The following ERCC2 variants were observed in gnomAD, a reference collection of about 807,000 sequenced individuals.
ERCC2 encodes the protein general transcription and DNA repair factor IIH helicase subunit XPD.
A neutral mutation model predicts 99.4 loss-of-function variants in ERCC2; 90 were observed. The ratio of observed to expected loss-of-function variants is 0.91; its 90% confidence interval spans 0.76 to 1.08. The LOEUF is 1.08. ERCC2 is among the 50% of genes least tolerant of loss of function. The pLI is 0.00. For missense variants in ERCC2, 993 were observed against 1,038.1 expected, an observed-to-expected ratio of 0.96 and a Z score of 0.60; for synonymous variants, 497 against 432.4, an observed-to-expected ratio of 1.15 and a Z score of -1.85.
At chr19:45,358,003 C>G (rs1348703255) in intron 12 of ERCC2, 6 of 503,596 alleles carry the variant, frequency 1.2e-5, no homozygotes, top group Non-Finnish European at 2.2e-5. Context: ...AGCACCCACG[C>G]CAAAGCCAGG....
chr19:45,351,451 C>T lies in ERCC2; in HGVS notation c.*178G>A, dbSNP rs886420131. 8.2e-6 allele frequency: 13 copies of T among 1,583,376 alleles called. No individual in the cohort carries two copies. The highest frequency in any genetic ancestry group is 2.2e-5 in the East Asian group (1 of 44,648). On this transcript the variant is annotated 3_prime_UTR_variant, in exon 23 of 23. Transcript: ENST00000391945. The stretch of plus-strand genomic sequence containing the variant: ...AGGGGGTCTATCATCTCCTGGCCCC[C>T]CCTTGCCTCTGGGTACCTGGTGGAT...
In ERCC2 at chr19:45,351,470, G is replaced by T; in HGVS notation, c.*159C>A. ...GGCCCCCCCTTGCCTCTGGGTACCT[G>T]GTGGATAGCTGCCTTCTCCTGCGAT... is the stretch of plus-strand genomic sequence containing the variant. On this transcript the variant is annotated 3_prime_UTR_variant, in exon 23 of 23. Transcript: ENST00000391945. 1 of 1,585,208 alleles carries T rather than the reference G, an allele frequency of 6.3e-7. No individual in the cohort carries two copies. The highest frequency in any genetic ancestry group is 8.5e-7 in the Non-Finnish European group (1 of 1,169,914).
intron 5 of ERCC2, among the ~76,000 whole-genome samples, chr19:45,367,960 T>C (rs936195499): frequency 2.6e-5 from 4 of 151,638 alleles, no homozygotes; most frequent in African/African-American, 9.7e-5. Flanking sequence ...TGCAGTGGCA[T>C]GACCTCAGCT....
chr19:45,369,253 G>C, intron 2 of ERCC2, 106 bp from the exon 3 acceptor site: 1 of 847,120 alleles, frequency 1.2e-6, no homozygotes, highest in South Asian at 1.4e-5. Context: ...CAGAACAGCA[G>C]GATAACACAG....
chr19:45,356,885 TACAGAG>T (rs1972030683), intron 15 of ERCC2, among the ~76,000 whole-genome samples: 1 of 152,116 alleles, frequency 6.6e-6, no homozygotes, highest in African/African-American at 2.4e-5. Context: ...ATGCACGTGT[TACAGAG>T]ACGGAGACGG....
intron 2 of ERCC2, 116 bp from the exon 3 acceptor site, chr19:45,369,263 G>T (rs1972528493): frequency 2.5e-6 from 2 of 815,948 alleles, no homozygotes; most frequent in Non-Finnish European, 4.3e-6. Context: ...GGATAACACA[G>T]CAGCAGTTAA....
At chr19:45,355,561 C>T in intron 16 of ERCC2, 104 bp downstream of exon 16, 3 of 1,059,728 alleles carry the variant, frequency 2.8e-6, no homozygotes, top group South Asian at 2.5e-5. Flanking sequence ...CTGGGCTGAG[C>T]AACTAAGGCC....
chr19:45,360,634 C>T (rs1454871064), intron 12 of ERCC2, among the ~76,000 whole-genome samples: 3 of 152,188 alleles, frequency 2.0e-5, no homozygotes, highest in East Asian at 1.9e-4. Context: ...CACCTCGGCC[C>T]CCCAAACTGC....
chr19:45,370,298 G>A (rs1042405566), intron 1 of ERCC2, 66 bp from the exon 2 acceptor site: 35 of 1,586,158 alleles, frequency 2.2e-5, no homozygotes, highest in East Asian at 1.8e-4. Flanking sequence ...CACAGTGCCC[G>A]GTCGTCGAGC....
At position 45,351,452 on chromosome 19, in the gene ERCC2, C is replaced by A. The variant is rs1006255231; in HGVS notation, c.*177G>T. ...GGGGGTCTATCATCTCCTGGCCCCC[C>A]CTTGCCTCTGGGTACCTGGTGGATA... On this transcript the variant is annotated 3_prime_UTR_variant, in exon 23 of 23. Transcript: ENST00000391945. 3.2e-6 allele frequency: 5 copies of A among 1,583,240 alleles called. No individual in the cohort carries two copies. Among genetic ancestry groups the A allele is most frequent in the South Asian group, 1.1e-5 (1 of 89,150 alleles).
At position 45,369,097 on chromosome 19, in the gene ERCC2, C is replaced by G. The variant is rs202156896; in HGVS notation, c.156G>C (p.Leu52=). 1 of 1,614,158 alleles carries G rather than the reference C, an allele frequency of 6.2e-7. No homozygotes were observed. Among genetic ancestry groups the G allele is most frequent in the African/African-American group, 1.3e-5 (1 of 75,046 alleles). The change falls in exon 3 of 23, where the codon CTG becomes CTC. Residue 52 remains leucine, a synonymous_variant. Transcript: ENST00000391945. ...TCTGGTATGCCATGATCAGGGCCAA[C>G]AGGGATACTGTCTTCCCGGTGCCTG... ...MPSGTGKTVS[L]LALIMAYQRA... is the part of the protein sequence containing the mutation.
intron 5 of ERCC2, 60 bp from the exon 6 acceptor site, chr19:45,365,218 C>T: frequency 7.5e-7 from 1 of 1,327,120 alleles, no homozygotes; most frequent in South Asian, 1.2e-5. Context: ...CTCTTCAAAC[C>T]CTGGTCTCCA....
rs528533514 is a variant in ERCC2 at position 45,356,842 on chromosome 19, A to C, written c.1479+428T>G. 3.3e-5 allele frequency among the ~76,000 whole-genome samples: 5 copies of C among 152,230 alleles called. No individual in the cohort carries two copies. The South Asian group carries it at 1.0e-3, about 32-fold the overall frequency. ...ACAAAAAACCACATCCAGCCTGGGG[A>C]CTTCAGATAAGGGACTGAGGGCTCA... is the stretch of plus-strand genomic sequence containing the variant. On this transcript the variant is annotated intron_variant, in intron 15 of 22. Transcript: ENST00000391945.
In ERCC2 at chr19:45,368,728, G is replaced by C. The variant is rs748842373; in HGVS notation, c.262C>G (p.Arg88Gly). 1.2e-6 allele frequency: 2 copies of C among 1,612,868 alleles called. No individual in the cohort carries two copies. Among genetic ancestry groups the C allele is most frequent in the Non-Finnish European group, 1.7e-6 (2 of 1,179,440 alleles). ...PEIEKVIEEL[R>G]KLLNFYEKQE... ...TTCTCATAGAAGTTGAGCAACTTTCGAAGCTCTTCAATCACCTACTCCAAA... is the reference window on the plus strand; with the variant it reads ...TTCTCATAGAAGTTGAGCAACTTTCCAAGCTCTTCAATCACCTACTCCAAA... The change falls in exon 5 of 23, where the codon CGA (arginine) becomes GGA (glycine). Residue 88 changes from arginine (R) to glycine (G), a missense_variant. Around this residue, in one of 3 missense-constraint regions of ERCC2, gnomAD observed 909 missense variants for 930.8 expected, o/e 0.98. Coordinates refer to ENST00000391945, the MANE Select transcript of ERCC2 (RefSeq NM_000400.4).
intron 12 of ERCC2, 92 bp from the exon 13 acceptor site, chr19:45,357,791 C>A (rs1568536621): frequency 1.8e-6 from 2 of 1,136,908 alleles, no homozygotes; most frequent in Admixed American, 3.8e-5. Context: ...CCTCGCTTCA[C>A]CCCAATCTCC....
In ERCC2 at chr19:45,351,452, C is replaced by G. The variant is rs1006255231; in HGVS notation, c.*177G>C. Reference sequence around the variant, plus strand: ...GGGGGTCTATCATCTCCTGGCCCCCCCTTGCCTCTGGGTACCTGGTGGATA... The same window carrying G: ...GGGGGTCTATCATCTCCTGGCCCCCGCTTGCCTCTGGGTACCTGGTGGATA... On this transcript the variant is annotated 3_prime_UTR_variant, in exon 23 of 23. Transcript: ENST00000391945. The G allele has an allele frequency of 5.1e-6, 8 of 1,583,122 alleles. No individual in the cohort carries two copies. In the African/African-American group the frequency reaches 5.4e-5, roughly 11 times the overall value.
chr19:45,361,778 T>G lies in ERCC2; in HGVS notation c.1119-136A>C, dbSNP rs1445092150. The stretch of plus-strand genomic sequence containing the variant: ...ACTCAGTGAGGGTGGGCACTGGGCC[T>G]GTTTTGGAAACTTGCACCCCCACGC... On this transcript the variant is annotated intron_variant, in intron 11 of 22. Coordinates refer to ENST00000391945, the MANE Select transcript of ERCC2 (RefSeq NM_000400.4). The G allele has an allele frequency of 4.1e-6, 3 of 732,642 alleles. No individual in the cohort carries two copies. In the African/African-American group the frequency reaches 5.2e-5, roughly 13 times the overall value. 45.4% of individuals were successfully genotyped at this position (732,642 alleles called of 1,614,324 possible).
chr19:45,369,117 TG>T lies in ERCC2; in HGVS notation c.135del (p.Thr46ProfsTer10). On this transcript the variant is annotated frameshift_variant, in exon 3 of 23. Coordinates refer to ENST00000391945, the MANE Select transcript of ERCC2 (RefSeq NM_000400.4). LOFTEE classifies it high-confidence loss of function. ...GCCAACAGGGATACTGTCTTCCCGG[TG>T]CCTGAGGGCATCTCCAGGACTCCAT... ...KGHGVLEMPS[G>X]TGKTVSLLAL... 1 of 1,614,142 alleles carries T rather than the reference TG, an allele frequency of 6.2e-7. No individual in the cohort carries two copies. Among genetic ancestry groups the T allele is most frequent in the Non-Finnish European group, 8.5e-7 (1 of 1,180,012 alleles).
rs3916873 is a variant in ERCC2 at position 45,353,848 on chromosome 19, A to G, written c.1666-514T>C. Among the ~76,000 whole-genome samples, 118 of 152,290 alleles carry G rather than the reference A, an allele frequency of 7.7e-4. 1 individual carries two copies. Among genetic ancestry groups the G allele is most frequent in the African/African-American group, 2.6e-3 (110 of 41,566 alleles). On this transcript the variant is annotated intron_variant, in intron 17 of 22. Coordinates refer to ENST00000391945, the MANE Select transcript of ERCC2 (RefSeq NM_000400.4). ...CTACTTCACACCACATAGAAAGATG[A>G]ATTTGAGGTACCTCATAGACCTGGA...
Sources: allele counts gnomAD v4.1 joint callset (sites outside exome capture counted in the v4.1 genomes callset), GRCh38; gene constraint gnomAD v4.1.1; regional missense constraint gnomAD v4.1.1; transcripts MANE v1.5; gene names NCBI Gene and HGNC (gene_info 2026-07-23, HGNC 2026-07-21).